The following SGCZ variants were observed in gnomAD, a reference collection of about 807,000 sequenced individuals.
SGCZ encodes the protein sarcoglycan zeta.
SGCZ carries 40 observed loss-of-function variants against 41.3 expected under a neutral mutation model. The observed-to-expected ratio is 0.97, with a 90% CI of 0.75 to 1.26. The LOEUF (loss-of-function observed/expected upper bound fraction) is 1.26. Among genes scored for constraint, SGCZ ranks in the 50% most tolerant of loss-of-function variants. The pLI is 0.00. For synonymous variants in SGCZ, 206 were observed against 137.5 expected, an observed-to-expected ratio of 1.50 and a Z score of -3.49; for missense variants, 552 against 369.8, an observed-to-expected ratio of 1.49 and a Z score of -4.04.
chr8:15,139,127 G>C (rs1808224768), intron 1 of SGCZ, among the ~76,000 whole-genome samples: 1 of 152,142 alleles, frequency 6.6e-6, no homozygotes, highest in South Asian at 2.1e-4. Flanking sequence ...GAATGCCTTT[G>C]CTGAGGGCTT....
chr8:15,195,864 T>A (rs879941401), intron 1 of SGCZ, among the ~76,000 whole-genome samples: 1 of 151,502 alleles, frequency 6.6e-6, no homozygotes, highest in African/African-American at 2.4e-5. Context: ...AAATTTATAA[T>A]GGGTTTTATA....
intron 2 of SGCZ, among the ~76,000 whole-genome samples, chr8:14,441,319 G>A (rs996364641): frequency 3.2e-4 from 49 of 152,264 alleles, no homozygotes; most frequent in Admixed American, 1.0e-3. Flanking sequence ...GCTCACGCCC[G>A]TAATCCCAGC....
intron 7 of SGCZ, among the ~76,000 whole-genome samples, chr8:14,093,771 C>T (rs1040077253): frequency 6.6e-6 from 1 of 152,060 alleles, no homozygotes; most frequent in Admixed American, 6.6e-5. Context: ...CTCCAATTCT[C>T]CAAAGGTCAC....
At chr8:14,218,935 T>C (rs1401876807) in intron 4 of SGCZ, among the ~76,000 whole-genome samples, 1 of 152,208 alleles carries the variant, frequency 6.6e-6, no homozygotes, top group East Asian at 1.9e-4. Context: ...CTGATTCTCT[T>C]ACAGCTACAC....
intron 1 of SGCZ, among the ~76,000 whole-genome samples, chr8:14,619,808 A>G (rs898661950): frequency 2.0e-5 from 3 of 152,216 alleles, no homozygotes; most frequent in Non-Finnish European, 4.4e-5. Context: ...AACAAATGGA[A>G]ACACATTCCA....
At chr8:14,504,405 T>C (rs1202426430) in intron 2 of SGCZ, among the ~76,000 whole-genome samples, 1 of 152,204 alleles carries the variant, frequency 6.6e-6, no homozygotes, top group Non-Finnish European at 1.5e-5. Context: ...AACCACAGCA[T>C]GATGGATTTA....
intron 1 of SGCZ, among the ~76,000 whole-genome samples, chr8:15,211,112 G>A (rs1439049117): frequency 6.7e-6 from 1 of 149,006 alleles, no homozygotes; most frequent in East Asian, 1.9e-4. Flanking sequence ...GCTATATCTA[G>A]ATATTGATGT....
In SGCZ at chr8:14,790,923, C is replaced by T. The variant is rs1004544433; in HGVS notation, c.40-235997G>A. The stretch of plus-strand genomic sequence containing the variant: ...GTGCGCATCTGTAATCCTACCCACT[C>T]GAGTGGTTAAGGCAGGAGGATCTCT... On this transcript the variant is annotated intron_variant, in intron 1 of 7. Coordinates refer to ENST00000382080, the MANE Select transcript of SGCZ (RefSeq NM_139167.4). 4.6e-5 allele frequency among the ~76,000 whole-genome samples: 7 copies of T among 150,934 alleles called. No individual in the cohort carries two copies. In the South Asian group the frequency reaches 6.3e-4, roughly 14 times the overall value.
At chr8:14,205,766 C>A (rs1805595093) in intron 4 of SGCZ, among the ~76,000 whole-genome samples, 1 of 152,026 alleles carries the variant, frequency 6.6e-6, no homozygotes, top group African/African-American at 2.4e-5. Context: ...GTTATTTTAA[C>A]TTGGACTTTA....
At chr8:14,989,101 C>T (rs904978507) in intron 1 of SGCZ, among the ~76,000 whole-genome samples, 1 of 152,102 alleles carries the variant, frequency 6.6e-6, no homozygotes, top group African/African-American at 2.4e-5. Context: ...AAAAAAACCT[C>T]CCAGGACAGT....
At chr8:14,183,351 A>C (rs74345364) in intron 4 of SGCZ, among the ~76,000 whole-genome samples, 4,656 of 152,220 alleles carry the variant, frequency 0.031, 234 homozygotes, top group African/African-American at 0.1. Flanking sequence ...AGAAAATCAT[A>C]ACTCTTCTTG....
chr8:14,867,264 C>A (rs1803966545), intron 1 of SGCZ, among the ~76,000 whole-genome samples: 1 of 152,100 alleles, frequency 6.6e-6, no homozygotes, highest in Non-Finnish European at 1.5e-5. Context: ...CCATCCATAT[C>A]CCTGCAAAGA....
At chr8:14,745,224 G>A (rs149741941) in intron 1 of SGCZ, among the ~76,000 whole-genome samples, 217 of 142,924 alleles carry the variant, frequency 1.5e-3, no homozygotes, top group Middle Eastern at 3.7e-3. Flanking sequence ...TGTGTGTGTT[G>A]AATCAGAAAA....
chr8:14,958,428 C>T (rs576762609), intron 1 of SGCZ, among the ~76,000 whole-genome samples: 8 of 152,066 alleles, frequency 5.3e-5, no homozygotes, highest in African/African-American at 7.2e-5. Flanking sequence ...AATACTGATA[C>T]GTTAGGTAAC....
chr8:15,100,993 C>G (rs1806591560), intron 1 of SGCZ, among the ~76,000 whole-genome samples: 1 of 151,932 alleles, frequency 6.6e-6, no homozygotes, highest in Admixed American at 6.6e-5. Context: ...AAAAAATACT[C>G]TTTACCCAAC....
intron 1 of SGCZ, among the ~76,000 whole-genome samples, chr8:15,028,508 T>C (rs1297712816): frequency 1.4e-5 from 2 of 144,846 alleles, no homozygotes; most frequent in Admixed American, 7.1e-5. Flanking sequence ...AACACTATCG[T>C]CTTTCTAAGT....
chr8:14,717,500 T>G (rs1345753051), intron 1 of SGCZ, among the ~76,000 whole-genome samples: 1 of 152,086 alleles, frequency 6.6e-6, no homozygotes, highest in Non-Finnish European at 1.5e-5. Flanking sequence ...TGGAAGGTAC[T>G]GGTAAGAGTG....
intron 1 of SGCZ, among the ~76,000 whole-genome samples, chr8:14,740,733 A>G (rs1799177188): frequency 6.6e-6 from 1 of 152,000 alleles, no homozygotes; most frequent in Non-Finnish European, 1.5e-5. Flanking sequence ...AAAATTATCT[A>G]TTTAATTTGA....
At chr8:14,715,177 T>C (rs184243691) in intron 1 of SGCZ, among the ~76,000 whole-genome samples, 58 of 152,286 alleles carry the variant, frequency 3.8e-4, no homozygotes, top group African/African-American at 1.4e-3. Flanking sequence ...AAAGGTTAGT[T>C]TGAGCTTTTG....
Sources: allele counts gnomAD v4.1 joint callset (sites outside exome capture counted in the v4.1 genomes callset), GRCh38; gene constraint gnomAD v4.1.1; transcripts MANE v1.5; gene names NCBI Gene and HGNC (gene_info 2026-07-23, HGNC 2026-07-21).